The following WLS variants were observed in gnomAD, a reference collection of about 807,000 sequenced individuals.
WLS encodes protein wntless homolog.
A neutral mutation model predicts 62.8 loss-of-function variants in WLS; 23 were observed. That is an observed-to-expected ratio of 0.37 (90% CI 0.26 to 0.52). WLS has a LOEUF of 0.52. Among genes scored for constraint, WLS ranks in the 20% least tolerant of loss-of-function variants. The pLI, the probability that WLS is intolerant of heterozygous loss-of-function variation, is 0.92. For missense variants in WLS, 615 were observed against 697.3 expected (o/e 0.88, Z 1.33); for synonymous variants, 246 against 244.1 (o/e 1.01, Z -0.07).
intron 1 of WLS, among the ~76,000 whole-genome samples, chr1:68,214,079 C>T (rs763221767): frequency 2.0e-5 from 3 of 152,098 alleles, no homozygotes; most frequent in Non-Finnish European, 4.4e-5. Context: ...AGCAGGAACC[C>T]GTGTTGCAAT....
At chr1:68,231,596 G>T in intron 1 of WLS, 1 of 352,450 alleles carries the variant, frequency 2.8e-6, no homozygotes, top group Admixed American at 3.0e-5. Flanking sequence ...ACCTGTCCAC[G>T]GCAGAGCGTG....
At chr1:68,176,728 A>G (rs192528438) in intron 2 of WLS, among the ~76,000 whole-genome samples, 1 of 152,356 alleles carries the variant, frequency 6.6e-6, no homozygotes, top group East Asian at 1.9e-4. Context: ...ATAGAAAAAT[A>G]TGGTCTTAGT....
intron 2 of WLS, among the ~76,000 whole-genome samples, chr1:68,182,405 A>G (rs1200893916): frequency 6.6e-6 from 1 of 152,246 alleles, no homozygotes. Flanking sequence ...AAGAGCTGTC[A>G]AGAAGTGCCT....
At chr1:68,102,911 C>A (rs900920120) in intron 11 of WLS, among the ~76,000 whole-genome samples, 1 of 152,116 alleles carries the variant, frequency 6.6e-6, no homozygotes, top group African/African-American at 2.4e-5. Context: ...CCCTTGCCTT[C>A]GATTGTTTTG....
At chr1:68,109,153 G>T (rs1646186837) in intron 11 of WLS, among the ~76,000 whole-genome samples, 1 of 152,026 alleles carries the variant, frequency 6.6e-6, no homozygotes, top group Admixed American at 6.6e-5. Context: ...TGCCCTGCTG[G>T]CAAATGCTGA....
At chr1:68,118,594 G>C (rs187540276) in intron 11 of WLS, among the ~76,000 whole-genome samples, 1 of 150,260 alleles carries the variant, frequency 6.7e-6, no homozygotes. Context: ...CACCTGGCCC[G>C]GCTGGTTGTG....
chr1:68,214,417 T>TGCA (rs1281779197), intron 1 of WLS, among the ~76,000 whole-genome samples: 1 of 151,548 alleles, frequency 6.6e-6, no homozygotes, highest in African/African-American at 2.4e-5. Flanking sequence ...CAGGCTGGAG[T>TGCA]GCAGTGTTGT....
intron 10 of WLS, chr1:68,142,796 G>A (rs1170608117): frequency 6.6e-6 from 1 of 152,150 alleles, no homozygotes; most frequent in East Asian, 1.9e-4. Context: ...CCAACAACAG[G>A]GCTCTAGAGG....
At chr1:68,100,590 A>C (rs1557438884) in intron 11 of WLS, 1 of 152,288 alleles carries the variant, frequency 6.6e-6, no homozygotes. Flanking sequence ...ATTAAAATTG[A>C]ATTGTCTAAA....
At chr1:68,100,652 T>A (rs906154269) in intron 11 of WLS, 1 of 152,160 alleles carries the variant, frequency 6.6e-6, no homozygotes, top group African/African-American at 2.4e-5. Context: ...CAAAGTTACT[T>A]GAGAGTCTCC....
downstream of WLS, among the ~76,000 whole-genome samples, chr1:68,121,726 G>A (rs1417858479): frequency 6.6e-6 from 1 of 152,208 alleles, no homozygotes; most frequent in Non-Finnish European, 1.5e-5. Flanking sequence ...CTGACATCCT[G>A]ATGAGTCAGC....
chr1:68,196,251 G>A (rs531160387), intron 1 of WLS, among the ~76,000 whole-genome samples: 96 of 151,816 alleles, frequency 6.3e-4, no homozygotes, highest in African/African-American at 2.3e-3. Flanking sequence ...TTTCTCCATT[G>A]TCTACAATCT....
At chr1:68,105,967 C>T (rs1646137767) in intron 11 of WLS, among the ~76,000 whole-genome samples, 1 of 152,140 alleles carries the variant, frequency 6.6e-6, no homozygotes, top group Non-Finnish European at 1.5e-5. Flanking sequence ...GATGGTGATA[C>T]ATAATCACTT....
chr1:68,194,015 A>G lies in WLS; in HGVS notation c.319T>C (p.Phe107Leu). Residue 107 changes from phenylalanine (F) to leucine (L), a missense_variant, in exon 2 of 12, where the codon TTC becomes CTC. Coordinates refer to ENST00000262348, the MANE Select transcript of WLS (RefSeq NM_024911.7). ...PLPHMEMSPW[F>L]QFMLFILQLD... is the part of the protein sequence containing the mutation. ...TGCAGGATAAACAGCATGAATTGGA[A>G]CCAAGGACTCATCTCCATGTGGGGG... 1 of 1,614,214 alleles carries G rather than the reference A, an allele frequency of 6.2e-7. No individual in the cohort carries two copies.
intron 1 of WLS, among the ~76,000 whole-genome samples, chr1:68,199,551 C>T (rs1361052588): frequency 6.6e-6 from 1 of 152,060 alleles, no homozygotes; most frequent in Non-Finnish European, 1.5e-5. Context: ...GATATCTGTG[C>T]TTGAATATTA....
chr1:68,231,684 G>T (rs1171802228), intron 1 of WLS: 2 of 455,706 alleles, frequency 4.4e-6, no homozygotes, highest in Non-Finnish European at 8.8e-6. Context: ...TAGCAAAGAC[G>T]ACCAAATGCA....
At chr1:68,162,427 C>T in intron 2 of WLS, 6 of 1,613,874 alleles carry the variant, frequency 3.7e-6, no homozygotes, top group Non-Finnish European at 5.1e-6. Context: ...CCTCTGCACG[C>T]CCAGGGATCG....
Position 68,192,616 on chromosome 1 carries a change from G to T in WLS, c.379+1339C>A, listed in dbSNP as rs149833366. 2.1e-3 allele frequency among the ~76,000 whole-genome samples: 315 copies of T among 150,376 alleles called. 5 individuals carry two copies. The highest frequency in any genetic ancestry group is 1.9e-3 in the Non-Finnish European group (128 of 67,682). On this transcript the variant is annotated intron_variant, in intron 2 of 11. Coordinates refer to ENST00000262348, the MANE Select transcript of WLS (RefSeq NM_024911.7). ...AAGAATAAAAAATTACAAAATTAGC[G>T]TGCCTGTAGTCCTAGCTATTCATGA...
At chr1:68,186,792 A>C in intron 2 of WLS, 1 of 356,194 alleles carries the variant, frequency 2.8e-6, no homozygotes, top group Non-Finnish European at 5.5e-6. Context: ...ATTGCTGAAT[A>C]TATATAACAT....
Sources: gnomAD v4.1 joint callset for allele counts (sites outside exome capture counted in the v4.1 genomes callset) on GRCh38, gnomAD v4.1.1 for gene constraint, MANE v1.5 for transcripts, NCBI Gene and HGNC (gene_info 2026-07-23, HGNC 2026-07-21) for gene names.